The following FGF14 variants were observed in gnomAD, a reference collection of about 807,000 sequenced individuals.
FGF14 encodes the protein fibroblast growth factor 14, also known as fibroblast growth factor homologous factor 4.
Under a neutral mutation model 25.5 loss-of-function variants are expected in FGF14, and 5 were observed. That is an observed-to-expected ratio of 0.20 (90% confidence interval 0.10 to 0.41). The LOEUF is 0.41. Among genes scored for constraint, FGF14 ranks in the 10% least tolerant of loss-of-function variants. The pLI is 1.00. For synonymous variants in FGF14, 138 were observed against 118.3 expected (o/e 1.17, Z -1.08); for missense variants, 222 against 320.1 (o/e 0.69, Z 2.34).
chr13:102,387,303 T>C (rs1372421270), intron 1 of FGF14, among the ~76,000 whole-genome samples: 1 of 152,206 alleles, frequency 6.6e-6, no homozygotes, highest in Non-Finnish European at 1.5e-5. Context: ...TCAAATTTTA[T>C]AACAGAAAAG....
chr13:101,914,875 T>A (rs1040929664), intron 1 of FGF14, among the ~76,000 whole-genome samples: 2 of 152,170 alleles, frequency 1.3e-5, no homozygotes, highest in Admixed American at 1.3e-4. Flanking sequence ...TTTGATGACA[T>A]AAGAGGATAA....
At chr13:102,127,293 C>A (rs1171689978) in intron 1 of FGF14, among the ~76,000 whole-genome samples, 2 of 152,092 alleles carry the variant, frequency 1.3e-5, no homozygotes, top group African/African-American at 2.4e-5. Flanking sequence ...AGCATCACAC[C>A]AAATGTTTTA....
chr13:102,194,269 CTCT>C (rs1016705314), intron 1 of FGF14, among the ~76,000 whole-genome samples: 1 of 151,882 alleles, frequency 6.6e-6, no homozygotes, highest in Admixed American at 6.6e-5. Flanking sequence ...CTTTATTTTT[CTCT>C]TTTTTTAATT....
intron 1 of FGF14, among the ~76,000 whole-genome samples, chr13:101,938,352 T>G (rs1222832964): frequency 1.3e-5 from 2 of 152,256 alleles, no homozygotes; most frequent in Non-Finnish European, 2.9e-5. Flanking sequence ...TTTCTCTTTT[T>G]CAAGCACTGT....
intron 3 of FGF14, among the ~76,000 whole-genome samples, chr13:101,757,304 T>C (rs1348098949): frequency 6.6e-6 from 1 of 152,196 alleles, no homozygotes; most frequent in Non-Finnish European, 1.5e-5. Flanking sequence ...TGGGGTTCTA[T>C]TTTCTCATAT....
At chr13:101,890,334 T>C (rs2138881771) in intron 1 of FGF14, among the ~76,000 whole-genome samples, 1 of 152,118 alleles carries the variant, frequency 6.6e-6, no homozygotes, top group African/African-American at 2.4e-5. Context: ...GCATTTCCTG[T>C]CTTACCTGAA....
At chr13:102,129,106 C>A (rs114894017) in intron 1 of FGF14, among the ~76,000 whole-genome samples, 8,430 of 151,914 alleles carry the variant, frequency 0.055, 274 homozygotes, top group Middle Eastern at 0.18. Flanking sequence ...AAAACTTAGC[C>A]GGGTGTAGTG....
intron 1 of FGF14, among the ~76,000 whole-genome samples, chr13:102,171,305 G>A (rs574838982): frequency 2.0e-5 from 3 of 152,260 alleles, no homozygotes; most frequent in African/African-American, 7.2e-5. Context: ...TAATGAGTTG[G>A]TCAACAAATG....
chr13:102,316,341 T>G (rs757630872), intron 1 of FGF14, among the ~76,000 whole-genome samples: 1 of 152,232 alleles, frequency 6.6e-6, no homozygotes, highest in Non-Finnish European at 1.5e-5. Context: ...GGTTGAACAT[T>G]CAACAAAAAT....
intron 1 of FGF14, among the ~76,000 whole-genome samples, chr13:101,935,742 T>C (rs1490489669): frequency 6.6e-6 from 1 of 152,096 alleles, no homozygotes; most frequent in Non-Finnish European, 1.5e-5. Context: ...CGGACTAATA[T>C]ACCAACCAAA....
At position 101,712,737 on chromosome 13, in the gene FGF14, T is replaced by C. The variant is rs1027081792; in HGVS notation, c.*10094A>G. On this transcript the variant is annotated 3_prime_UTR_variant, in exon 5 of 5. Coordinates refer to ENST00000376143, the MANE Select transcript of FGF14 (RefSeq NM_004115.4). The stretch of plus-strand genomic sequence containing the variant: ...GTCTTTGTTGGCAGATATATCACTA[T>C]CCATTTGTTAAACAAGCAGTAGAGT... 3 of 152,172 alleles carry C rather than the reference T, an allele frequency of 2.0e-5. No homozygotes were observed. Among genetic ancestry groups the C allele is most frequent in the African/African-American group, 7.2e-5 (3 of 41,448 alleles). The allele number at this position is 152,172 out of a possible 1,614,324, so 9.4% of individuals were successfully genotyped here.
intron 1 of FGF14, among the ~76,000 whole-genome samples, chr13:102,285,209 T>A (rs906299563): frequency 6.6e-6 from 1 of 152,222 alleles, no homozygotes; most frequent in Non-Finnish European, 1.5e-5. Flanking sequence ...ATCTGATTAA[T>A]GTTCTTGGTA....
chr13:102,037,704 T>C (rs1341515974), intron 1 of FGF14, among the ~76,000 whole-genome samples: 1 of 152,146 alleles, frequency 6.6e-6, no homozygotes, highest in Non-Finnish European at 1.5e-5. Context: ...AATTGTCTTG[T>C]TTCAAAATGA....
chr13:101,868,122 C>A (rs1008729914), intron 3 of FGF14, among the ~76,000 whole-genome samples: 1 of 152,098 alleles, frequency 6.6e-6, no homozygotes, highest in African/African-American at 2.4e-5. Flanking sequence ...ACTGCTTAAA[C>A]CTGTGGCAGA....
intron 4 of FGF14, among the ~76,000 whole-genome samples, chr13:101,724,906 A>G (rs1270459906): frequency 2.6e-5 from 4 of 151,810 alleles, no homozygotes; most frequent in Non-Finnish European, 5.9e-5. Flanking sequence ...AAACACTCAT[A>G]TACACATAAC....
At chr13:102,150,485 A>C (rs1367253802) in intron 1 of FGF14, among the ~76,000 whole-genome samples, 2 of 152,064 alleles carry the variant, frequency 1.3e-5, no homozygotes, top group African/African-American at 4.8e-5. Flanking sequence ...ATTCTCACTT[A>C]CGTTATTCCA....
intron 1 of FGF14, among the ~76,000 whole-genome samples, chr13:102,072,056 G>C (rs930634724): frequency 6.6e-6 from 1 of 152,164 alleles, no homozygotes; most frequent in African/African-American, 2.4e-5. Context: ...AAAATTGAGA[G>C]GCAGAGCTCA....
At chr13:101,988,844 CTT>C (rs1386695775) in intron 1 of FGF14, among the ~76,000 whole-genome samples, 2 of 152,078 alleles carry the variant, frequency 1.3e-5, no homozygotes, top group Non-Finnish European at 2.9e-5. Flanking sequence ...TACCCTAAAA[CTT>C]AAAGTATAAT....
At chr13:101,796,205 T>A (rs2040511457) in intron 3 of FGF14, among the ~76,000 whole-genome samples, 1 of 151,504 alleles carries the variant, frequency 6.6e-6, no homozygotes, top group African/African-American at 2.4e-5. Flanking sequence ...CATGATTTAA[T>A]ATATACTAAA....
Sources: allele counts gnomAD v4.1 joint callset (sites outside exome capture counted in the v4.1 genomes callset), GRCh38; gene constraint gnomAD v4.1.1; transcripts MANE v1.5; gene names NCBI Gene and HGNC (gene_info 2026-07-23, HGNC 2026-07-21).